Variants in SHISA9 observed in about 807,000 individuals in gnomAD.
The protein encoded by SHISA9 is shisa family member 9.
SHISA9 carries 13 observed loss-of-function variants against 38.0 expected under a neutral mutation model. The observed-to-expected ratio is 0.34, with a 90% CI of 0.22 to 0.54. The LOEUF (loss-of-function observed/expected upper bound fraction) is 0.54. SHISA9 is among the 20% of genes least tolerant of loss of function. SHISA9 has a pLI of 0.91. For missense variants in SHISA9, 538 were observed against 575.8 expected (o/e 0.93, Z 0.67); for synonymous variants, 275 against 242.0 (o/e 1.14, Z -1.27).
chr16:13,462,964 A>T, the SHISA9 span, among the ~76,000 whole-genome samples: 4 of 149,940 alleles, frequency 2.7e-5, no homozygotes, highest in African/African-American at 9.8e-5. Context: ...TCCATCTTAA[A>T]AAATAAATAA....
At chr16:13,527,743 A>G in the SHISA9 span, among the ~76,000 whole-genome samples, 5 of 152,332 alleles carry the variant, frequency 3.3e-5, no homozygotes, top group Non-Finnish European at 2.9e-5. Context: ...TCAGTATCTT[A>G]TAATAAATTC....
At chr16:13,127,174 AGAGT>A (rs1301966437) in intron 2 of SHISA9, among the ~76,000 whole-genome samples, 5 of 109,094 alleles carry the variant, frequency 4.6e-5, no homozygotes, top group South Asian at 3.6e-4. Context: ...GAAGGGGGAG[AGAGT>A]GAGGGTGGGA....
At chr16:13,071,598 T>TTCCC (rs1555459221) in intron 2 of SHISA9, among the ~76,000 whole-genome samples, 1 of 143,276 alleles carries the variant, frequency 7.0e-6, no homozygotes, top group African/African-American at 2.8e-5. Context: ...CCTTCCTTCC[T>TTCCC]TCCCTTTCTT....
intron 2 of SHISA9, among the ~76,000 whole-genome samples, chr16:12,943,054 A>G (rs114970112): frequency 0.042 from 6,404 of 152,004 alleles, 413 homozygotes; most frequent in African/African-American, 0.15. Flanking sequence ...CAGGCTCCAG[A>G]GAAGGAGAGA....
chr16:13,514,036 G>A, the SHISA9 span, among the ~76,000 whole-genome samples: 245 of 152,114 alleles, frequency 1.6e-3, 2 homozygotes, highest in African/African-American at 5.6e-3. Flanking sequence ...GCTCTGTCAC[G>A]CAGGCTGGAG....
the SHISA9 span, chr16:13,458,385 A>T: frequency 0.53 from 193,492 of 362,806 alleles, 53,223 homozygotes; most frequent in East Asian, 0.76. Flanking sequence ...ATGGAAGCAA[A>T]CTTTATGATG....
intron 1 of SHISA9, chr16:12,908,685 A>G (rs2071138398): frequency 1.3e-6 from 2 of 1,520,050 alleles, no homozygotes; most frequent in African/African-American, 1.4e-5. Context: ...CCTGCAAACA[A>G]CAGCTCATGC....
At chr16:13,473,645 C>T in the SHISA9 span, among the ~76,000 whole-genome samples, 42,214 of 151,884 alleles carry the variant, frequency 0.28, 6,172 homozygotes, top group African/African-American at 0.36. Flanking sequence ...AGTCTTTCTC[C>T]AGAAGATACT....
At chr16:13,410,669 G>A in the SHISA9 span, among the ~76,000 whole-genome samples, 6 of 152,300 alleles carry the variant, frequency 3.9e-5, no homozygotes, top group Non-Finnish European at 2.9e-5. Flanking sequence ...TTTCAAGGAC[G>A]CTAAATTGAT....
chr16:13,507,245 CAG>C, the SHISA9 span, among the ~76,000 whole-genome samples: 1 of 151,892 alleles, frequency 6.6e-6, no homozygotes, highest in Non-Finnish European at 1.5e-5. Context: ...CAATGAGACT[CAG>C]AGAGTGCAAG....
At chr16:12,922,259 C>G (rs907488623) in intron 2 of SHISA9, among the ~76,000 whole-genome samples, 1 of 152,246 alleles carries the variant, frequency 6.6e-6, no homozygotes, top group Non-Finnish European at 1.5e-5. Context: ...GCCTTACTAA[C>G]AACTAACATT....
chr16:13,306,808 C>T, the SHISA9 span, among the ~76,000 whole-genome samples: 1 of 152,280 alleles, frequency 6.6e-6, no homozygotes, highest in East Asian at 1.9e-4. Flanking sequence ...TTTATCCTAT[C>T]CCTTAGAATT....
chr16:12,923,789 C>G (rs1029437861), intron 2 of SHISA9, among the ~76,000 whole-genome samples: 8 of 150,920 alleles, frequency 5.3e-5, no homozygotes, highest in African/African-American at 1.7e-4. Flanking sequence ...TGCAGTGAGC[C>G]GAGATCACGT....
the SHISA9 span, among the ~76,000 whole-genome samples, chr16:13,282,316 A>AT: frequency 0.01 from 1,590 of 151,984 alleles, 109 homozygotes; most frequent in Admixed American, 0.098. Flanking sequence ...CATATTCAAG[A>AT]TTTTTTTGTT....
At chr16:13,256,221 T>A in the SHISA9 span, among the ~76,000 whole-genome samples, 2 of 152,226 alleles carry the variant, frequency 1.3e-5, no homozygotes, top group African/African-American at 4.8e-5. Context: ...GATTAGGTGC[T>A]TCTTCTCATG....
the SHISA9 span, among the ~76,000 whole-genome samples, chr16:13,358,946 C>T: frequency 6.6e-6 from 1 of 152,312 alleles, no homozygotes; most frequent in Admixed American, 6.5e-5. Flanking sequence ...TGGTACTGAA[C>T]TTAGCAGATT....
intron 3 of SHISA9, among the ~76,000 whole-genome samples, chr16:13,211,812 G>C (rs2051122596): frequency 1.3e-5 from 2 of 152,346 alleles, no homozygotes; most frequent in East Asian, 3.9e-4. Context: ...TTAATTTGGG[G>C]TTCAGATGGC....
At chr16:12,984,609 C>T (rs541682121) in intron 2 of SHISA9, among the ~76,000 whole-genome samples, 1 of 152,168 alleles carries the variant, frequency 6.6e-6, no homozygotes, top group Non-Finnish European at 1.5e-5. Context: ...TTTTTTCTCC[C>T]CAGACAGGAG....
At chr16:13,241,113 C>T (rs540280604), downstream of SHISA9, among the ~76,000 whole-genome samples, 76 of 152,292 alleles carry the variant, frequency 5.0e-4, no homozygotes, top group Middle Eastern at 6.8e-3. Context: ...TGGGTGTTTA[C>T]GTGCCCATGG....
Sources: allele counts gnomAD v4.1 joint callset (sites outside exome capture counted in the v4.1 genomes callset), GRCh38; gene constraint gnomAD v4.1.1; transcripts MANE v1.5; gene names NCBI Gene and HGNC (gene_info 2026-07-23, HGNC 2026-07-21).